Variants in BMAL2 observed in about 807,000 individuals in gnomAD.
The protein encoded by BMAL2 is basic helix-loop-helix ARNT-like protein 2.
the BMAL2 span, among the ~76,000 whole-genome samples, chr12:27,362,024 C>CAA: frequency 3.4e-4 from 47 of 136,774 alleles, no homozygotes; most frequent in South Asian, 9.3e-4. Context: ...GAATGGGAGG[C>CAA]AAAAAAAAAA....
the BMAL2 span, among the ~76,000 whole-genome samples, chr12:27,412,209 G>A: frequency 6.6e-6 from 1 of 152,152 alleles, no homozygotes; most frequent in Non-Finnish European, 1.5e-5. Flanking sequence ...GCTAAACATT[G>A]ACAACTGGGT....
chr12:27,387,611 G>A, the BMAL2 span, among the ~76,000 whole-genome samples: 1 of 152,138 alleles, frequency 6.6e-6, no homozygotes, highest in Admixed American at 6.5e-5. Context: ...AAGACTAAAT[G>A]AGGTGTCATA....
chr12:27,340,327 A>T, the BMAL2 span, among the ~76,000 whole-genome samples: 2 of 152,194 alleles, frequency 1.3e-5, no homozygotes, highest in Non-Finnish European at 1.5e-5. Context: ...ATTGCTAGCC[A>T]GTTATCCCAG....
the BMAL2 span, among the ~76,000 whole-genome samples, chr12:27,386,826 C>T: frequency 2.6e-5 from 4 of 151,962 alleles, no homozygotes; most frequent in African/African-American, 7.3e-5. Context: ...GACAGGGTTT[C>T]GCCAGTGTTG....
the BMAL2 span, among the ~76,000 whole-genome samples, chr12:27,420,019 G>GCGCACACACA: frequency 3.4e-5 from 5 of 147,478 alleles, no homozygotes; most frequent in African/African-American, 1.0e-4. Flanking sequence ...GTTTGCGCGT[G>GCGCACACACA]CACACACACA....
the BMAL2 span, among the ~76,000 whole-genome samples, chr12:27,333,527 T>C: frequency 6.6e-6 from 1 of 152,274 alleles, no homozygotes; most frequent in African/African-American, 2.4e-5. Flanking sequence ...TTCTTTCTTT[T>C]GTGTAAACCA....
chr12:27,352,916 A>G, the BMAL2 span, among the ~76,000 whole-genome samples: 4 of 152,260 alleles, frequency 2.6e-5, no homozygotes, highest in African/African-American at 9.6e-5. Context: ...ACACTGCTCA[A>G]AGAAATCAGA....
chr12:27,423,590 A>G, the BMAL2 span: 2 of 152,128 alleles, frequency 1.3e-5, no homozygotes, highest in African/African-American at 4.8e-5. Flanking sequence ...CGGCCTCCCA[A>G]AGTGCTGGGA....
At chr12:27,385,343 GAA>G in the BMAL2 span, 1 of 520,770 alleles carries the variant, frequency 1.9e-6, no homozygotes, top group Non-Finnish European at 3.4e-6. Flanking sequence ...AAATGAAAAT[GAA>G]AAAAAAAATG....
chr12:27,353,341 C>T, the BMAL2 span, among the ~76,000 whole-genome samples: 74 of 152,208 alleles, frequency 4.9e-4, no homozygotes, highest in Middle Eastern at 6.8e-3. Context: ...AGTCCATATT[C>T]AGTAAACTGT....
At chr12:27,373,702 G>A in the BMAL2 span, among the ~76,000 whole-genome samples, 1 of 152,156 alleles carries the variant, frequency 6.6e-6, no homozygotes, top group African/African-American at 2.4e-5. Flanking sequence ...GGCAGATCTG[G>A]GGAATATTTT....
the BMAL2 span, among the ~76,000 whole-genome samples, chr12:27,369,553 T>C: frequency 2.6e-5 from 4 of 152,386 alleles, no homozygotes; most frequent in South Asian, 4.1e-4. Context: ...TTTTAGACTA[T>C]GTAGCTGTTT....
chr12:27,420,585 G>C, the BMAL2 span: 1 of 1,504,778 alleles, frequency 6.6e-7, no homozygotes, highest in Non-Finnish European at 8.9e-7. Context: ...TTTCATTTAC[G>C]AAAAACTGTC....
the BMAL2 span, chr12:27,421,638 AG>A: frequency 6.6e-6 from 1 of 152,148 alleles, no homozygotes; most frequent in East Asian, 1.9e-4. Context: ...GTAAAAAAAA[AG>A]ATTTAATATA....
the BMAL2 span, among the ~76,000 whole-genome samples, chr12:27,376,783 G>A: frequency 1.3e-4 from 19 of 151,728 alleles, no homozygotes; most frequent in Non-Finnish European, 2.8e-4. Flanking sequence ...GGTGGATCAC[G>A]AGTTCAGGAG....
chr12:27,360,815 A>AAAAAAAAAAAAAAAAAAAAAAAAAAAAAT, the BMAL2 span, among the ~76,000 whole-genome samples: 1 of 149,290 alleles, frequency 6.7e-6, no homozygotes. Context: ...AAAAAAAAAA[A>AAAAAAAAAAAAAAAAAAAAAAAAAAAAAT]AAAAAAAAAA....
chr12:27,396,502 T>G, the BMAL2 span, among the ~76,000 whole-genome samples: 3 of 152,192 alleles, frequency 2.0e-5, no homozygotes, highest in Non-Finnish European at 4.4e-5. Flanking sequence ...AAAATCTGTA[T>G]GCCATGCCAC....
At chr12:27,337,538 AC>A in the BMAL2 span, among the ~76,000 whole-genome samples, 1 of 152,052 alleles carries the variant, frequency 6.6e-6, no homozygotes, top group Non-Finnish European at 1.5e-5. Flanking sequence ...TTCCTGGAAT[AC>A]CCCTGCCCTC....
chr12:27,363,994 G>T, the BMAL2 span, among the ~76,000 whole-genome samples: 1 of 152,184 alleles, frequency 6.6e-6, no homozygotes, highest in Non-Finnish European at 1.5e-5. Context: ...CAATTCTAGA[G>T]GCTGGGAAGT....
Sources: allele counts gnomAD v4.1 joint callset (sites outside exome capture counted in the v4.1 genomes callset), GRCh38; gene constraint gnomAD v4.1.1; transcripts MANE v1.5; gene names NCBI Gene and HGNC (gene_info 2026-07-23, HGNC 2026-07-21).